Variants in ZNF385D observed in about 807,000 individuals in gnomAD.
The protein encoded by ZNF385D is zinc finger protein 659.
ZNF385D carries 15 observed loss-of-function variants against 35.8 expected under a neutral mutation model. That is an observed-to-expected ratio of 0.42 (90% confidence interval 0.28 to 0.64). The LOEUF (loss-of-function observed/expected upper bound fraction) is 0.64, where lower values mean the gene tolerates loss of function less well. Among genes scored for constraint, ZNF385D ranks in the 30% least tolerant of loss-of-function variants. The pLI is 0.23. For missense variants in ZNF385D, 474 were observed against 494.6 expected (o/e 0.96, Z 0.39); for synonymous variants, 212 against 186.8 (o/e 1.13, Z -1.10).
chr3:21,884,548 T>G (rs1391883989), intron 3 of ZNF385D, among the ~76,000 whole-genome samples: 1 of 152,024 alleles, frequency 6.6e-6, no homozygotes, highest in Non-Finnish European at 1.5e-5. Context: ...AAGCCAAGTT[T>G]TCAACACAGC....
At chr3:22,180,904 T>C (rs1033576464) in intron 2 of ZNF385D, among the ~76,000 whole-genome samples, 7 of 137,108 alleles carry the variant, frequency 5.1e-5, no homozygotes, top group South Asian at 4.7e-4. Flanking sequence ...AGTAGCTATA[T>C]GCTTTTGTTC....
At chr3:21,643,320 G>A (rs2065659854) in intron 2 of ZNF385D, among the ~76,000 whole-genome samples, 3 of 152,084 alleles carry the variant, frequency 2.0e-5, no homozygotes, top group Admixed American at 6.6e-5. Flanking sequence ...AGCTAGCATT[G>A]GTTGTTAAAT....
chr3:21,936,896 C>T (rs1701287182), intron 3 of ZNF385D, among the ~76,000 whole-genome samples: 2 of 152,114 alleles, frequency 1.3e-5, no homozygotes, highest in Non-Finnish European at 2.9e-5. Flanking sequence ...ACTAGGTTAG[C>T]AGTGAATTGC....
At chr3:21,499,030 GGAGTGT>G (rs1706157236) in intron 4 of ZNF385D, among the ~76,000 whole-genome samples, 1 of 151,882 alleles carries the variant, frequency 6.6e-6, no homozygotes, top group Non-Finnish European at 1.5e-5. Flanking sequence ...ACTGTTGGTG[GGAGTGT>G]AAACTAGTTC....
intron 2 of ZNF385D, among the ~76,000 whole-genome samples, chr3:21,630,781 A>T (rs1242740195): frequency 6.6e-6 from 1 of 152,138 alleles, no homozygotes; most frequent in Non-Finnish European, 1.5e-5. Context: ...TCCATCACTA[A>T]TATCTATTGA....
At chr3:22,227,940 A>G (rs2125292089) in intron 2 of ZNF385D, among the ~76,000 whole-genome samples, 1 of 152,276 alleles carries the variant, frequency 6.6e-6, no homozygotes, top group Admixed American at 6.5e-5. Context: ...TGCCACTTCA[A>G]TAAAAGTTGC....
chr3:21,904,139 A>T (rs1326819327), intron 3 of ZNF385D, among the ~76,000 whole-genome samples: 1 of 151,812 alleles, frequency 6.6e-6, no homozygotes, highest in South Asian at 2.1e-4. Flanking sequence ...TCCCATCTCT[A>T]CTAAAAACAC....
At chr3:22,289,291 G>C (rs1366814511) in intron 2 of ZNF385D, among the ~76,000 whole-genome samples, 1 of 152,144 alleles carries the variant, frequency 6.6e-6, no homozygotes, top group African/African-American at 2.4e-5. Context: ...CCTGAATCTA[G>C]GTGGGTAGGG....
chr3:22,239,318 T>G (rs1699361897), intron 2 of ZNF385D, among the ~76,000 whole-genome samples: 1 of 151,042 alleles, frequency 6.6e-6, no homozygotes, highest in African/African-American at 2.5e-5. Context: ...ATTGTGTAAT[T>G]ACAACAGAGA....
intron 2 of ZNF385D, among the ~76,000 whole-genome samples, chr3:22,286,765 A>T (rs145991980): frequency 3.5e-4 from 53 of 152,260 alleles, no homozygotes; most frequent in African/African-American, 1.2e-3. Flanking sequence ...TTCACAAAGA[A>T]ATATGTTGAG....
chr3:21,597,350 A>C (rs1036024445), intron 2 of ZNF385D, among the ~76,000 whole-genome samples: 1 of 148,694 alleles, frequency 6.7e-6, no homozygotes, highest in Non-Finnish European at 1.5e-5. Context: ...TATGTTAAAA[A>C]CTGTTAATTC....
chr3:22,306,268 T>C (rs1703209946), intron 2 of ZNF385D, among the ~76,000 whole-genome samples: 1 of 152,024 alleles, frequency 6.6e-6, no homozygotes, highest in Admixed American at 6.6e-5. Context: ...TTCTGGCAAG[T>C]GAAGCTTCTC....
chr3:21,744,653 G>T (rs1412718690), intron 1 of ZNF385D, among the ~76,000 whole-genome samples: 2 of 152,010 alleles, frequency 1.3e-5, no homozygotes, highest in Non-Finnish European at 2.9e-5. Context: ...CTATAATTTT[G>T]CTATCTTATA....
chr3:22,041,472 C>G (rs908720077), intron 3 of ZNF385D, among the ~76,000 whole-genome samples: 1 of 152,120 alleles, frequency 6.6e-6, no homozygotes, highest in South Asian at 2.1e-4. Flanking sequence ...AATTAAAATG[C>G]TTATCGACTA....
intron 3 of ZNF385D, among the ~76,000 whole-genome samples, chr3:22,109,857 GA>G (rs1330788803): frequency 6.6e-6 from 1 of 152,088 alleles, no homozygotes; most frequent in Non-Finnish European, 1.5e-5. Context: ...CAGAATGGGA[GA>G]AAAATTTTTG....
intron 3 of ZNF385D, among the ~76,000 whole-genome samples, chr3:22,102,637 G>C (rs573433796): frequency 6.6e-6 from 1 of 152,060 alleles, no homozygotes; most frequent in South Asian, 2.1e-4. Context: ...TCGACAATAG[G>C]ACATATTGAT....
At chr3:21,699,446 C>T (rs1293548025) in intron 1 of ZNF385D, among the ~76,000 whole-genome samples, 2 of 151,740 alleles carry the variant, frequency 1.3e-5, no homozygotes, top group African/African-American at 4.8e-5. Context: ...ATGTAACACA[C>T]CTGCACATTC....
rs548507035 is a variant in ZNF385D at position 22,039,170 on chromosome 3, T to C, written c.325+129647A>G. ...AAGTAGCAAAAAACCTCTAAGGATG[T>C]CCATTTGACTGATGTGAATGATGAA... On this transcript the variant is annotated intron_variant, in intron 3 of 5. Coordinates refer to the ZNF385D transcript ENST00000494108. Among the ~76,000 whole-genome samples the C allele has an allele frequency of 1.5e-4, 23 of 150,190 alleles. No homozygotes were observed. In the East Asian group the frequency reaches 4.3e-3, roughly 28 times the overall value.
At chr3:22,086,084 A>G (rs1434463098) in intron 3 of ZNF385D, among the ~76,000 whole-genome samples, 3 of 152,226 alleles carry the variant, frequency 2.0e-5, no homozygotes, top group Non-Finnish European at 4.4e-5. Flanking sequence ...TGACAAATCC[A>G]TAGCCCATAT....
Sources: allele counts gnomAD v4.1 joint callset (sites outside exome capture counted in the v4.1 genomes callset), GRCh38; gene constraint gnomAD v4.1.1; transcripts MANE v1.5; gene names NCBI Gene and HGNC (gene_info 2026-07-23, HGNC 2026-07-21).